COL22A1: variants seen among roughly 807,000 people sequenced by gnomAD.
COL22A1 encodes collagen alpha-1(XXII) chain.
Under a neutral mutation model 248.9 loss-of-function variants are expected in COL22A1, and 221 were observed. That is an observed-to-expected ratio of 0.89 (90% CI 0.80 to 0.99). The LOEUF (loss-of-function observed/expected upper bound fraction) is 0.99, where lower values mean the gene tolerates loss of function less well. Ranked by LOEUF, COL22A1 falls within the 50% of genes least tolerant of loss-of-function variation. The pLI is 0.00. For synonymous variants in COL22A1, 891 were observed against 793.4 expected (o/e 1.12, Z -2.07); for missense variants, 2,240 against 2,179.0 (o/e 1.03, Z -0.56).
intron 1 of COL22A1, among the ~76,000 whole-genome samples, chr8:138,891,898 G>C (rs906270520): frequency 6.6e-6 from 1 of 152,236 alleles, no homozygotes; most frequent in Non-Finnish European, 1.5e-5. Flanking sequence ...CCCTGGGAGG[G>C]AAGAGCATGG....
At chr8:138,794,427 C>T (rs1397319477) in intron 12 of COL22A1, among the ~76,000 whole-genome samples, 8 of 150,620 alleles carry the variant, frequency 5.3e-5, no homozygotes, top group Non-Finnish European at 7.4e-5. Context: ...TTGGTGGGAA[C>T]GCAGATGGTC....
chr8:138,758,880 A>C (rs1833233209), intron 18 of COL22A1, among the ~76,000 whole-genome samples: 1 of 152,210 alleles, frequency 6.6e-6, no homozygotes, highest in African/African-American at 2.4e-5. Flanking sequence ...ATCTCTAAAT[A>C]AGGTGGAAGG....
At chr8:138,910,974 C>T (rs574943529) in intron 1 of COL22A1, among the ~76,000 whole-genome samples, 2 of 152,296 alleles carry the variant, frequency 1.3e-5, no homozygotes, top group East Asian at 3.9e-4. Context: ...GAGAGGGATG[C>T]AGGAGGGGAC....
Position 138,828,749 on chromosome 8 carries a change from CA to C in COL22A1, c.846-1969del, listed in dbSNP as rs375318134. ...TAGGCGACAGAGCGAGACTCCATCT[CA>C]AAAAAAAAAAAAAGGTATTTTGATC... On this transcript the variant is annotated intron_variant, in intron 5 of 64. Transcript: ENST00000303045. Among the ~76,000 whole-genome samples, 712 of 131,152 alleles carry C rather than the reference CA, an allele frequency of 5.4e-3. 3 individuals are homozygous for C. Among genetic ancestry groups the C allele is most frequent in the Non-Finnish European group, 7.1e-3 (428 of 60,298 alleles). The allele number at this position is 131,152 out of a possible 152,430, so 86.0% of individuals were successfully genotyped here. A position where few individuals can be genotyped will look rare whatever the true frequency, so the allele number is the denominator to read the frequency against.
At chr8:138,702,607 A>G (rs1161260122) in intron 31 of COL22A1, among the ~76,000 whole-genome samples, 1 of 138,234 alleles carries the variant, frequency 7.2e-6, no homozygotes, top group Non-Finnish European at 1.6e-5. Flanking sequence ...AAGAAACATT[A>G]AAGTGGAAAA....
At chr8:138,612,162 G>A (rs1442301503) in intron 56 of COL22A1, among the ~76,000 whole-genome samples, 1 of 152,118 alleles carries the variant, frequency 6.6e-6, no homozygotes, top group Non-Finnish European at 1.5e-5. Context: ...GGGATTGGGT[G>A]GGGGTGAAAA....
chr8:138,821,719 A>G (rs1184181835), intron 6 of COL22A1, among the ~76,000 whole-genome samples: 2 of 152,192 alleles, frequency 1.3e-5, no homozygotes, highest in Admixed American at 6.5e-5. Context: ...TGGAAGGGCT[A>G]TGCGGGTAAG....
At chr8:138,846,092 G>A (rs759281970) in intron 3 of COL22A1, among the ~76,000 whole-genome samples, 2 of 152,222 alleles carry the variant, frequency 1.3e-5, no homozygotes, top group African/African-American at 2.4e-5. Flanking sequence ...CATGGAAGGG[G>A]TTATTTTGGA....
chr8:138,597,924 C>T (rs905388024), intron 61 of COL22A1, among the ~76,000 whole-genome samples: 2 of 152,148 alleles, frequency 1.3e-5, no homozygotes, highest in Non-Finnish European at 2.9e-5. Context: ...CACCTGAAAC[C>T]CAGGCTGACC....
chr8:138,596,856 C>T, intron 62 of COL22A1, 48 bp downstream of exon 62: 3 of 1,561,306 alleles, frequency 1.9e-6, no homozygotes, highest in Non-Finnish European at 2.6e-6. Context: ...GAGAGAACTG[C>T]TTCCTGGGCT....
chr8:138,700,902 A>G (rs557215484), intron 31 of COL22A1, among the ~76,000 whole-genome samples: 2 of 148,034 alleles, frequency 1.4e-5, no homozygotes, highest in Non-Finnish European at 3.0e-5. Context: ...GGAGAATGGC[A>G]TGAACCCAGG....
chr8:138,667,908 C>T (rs934097034), intron 41 of COL22A1, among the ~76,000 whole-genome samples: 1 of 151,862 alleles, frequency 6.6e-6, no homozygotes, highest in African/African-American at 2.4e-5. Context: ...GCCTCTAGGT[C>T]TGAGTACCAA....
chr8:138,639,531 T>G (rs1240116566), intron 47 of COL22A1, among the ~76,000 whole-genome samples: 1 of 152,164 alleles, frequency 6.6e-6, no homozygotes, highest in African/African-American at 2.4e-5. Context: ...CAGAAGAGGT[T>G]TATTAAAGAG....
chr8:138,690,102 T>C (rs1413940012), intron 36 of COL22A1, among the ~76,000 whole-genome samples: 2 of 152,246 alleles, frequency 1.3e-5, no homozygotes, highest in African/African-American at 4.8e-5. Context: ...CTTAGTACCA[T>C]GCCTGGCATG....
At chr8:138,816,467 T>C (rs998189190) in intron 7 of COL22A1, among the ~76,000 whole-genome samples, 2 of 152,202 alleles carry the variant, frequency 1.3e-5, no homozygotes, top group African/African-American at 4.8e-5. Context: ...CTTGGCTCCC[T>C]GGATCCCAGC....
chr8:138,732,092 G>A (rs1830753575), intron 23 of COL22A1, among the ~76,000 whole-genome samples: 1 of 152,148 alleles, frequency 6.6e-6, no homozygotes, highest in South Asian at 2.1e-4. Context: ...GCAAATACTT[G>A]AATGGCATTT....
chr8:138,649,525 AC>A, intron 46 of COL22A1, 139 bp downstream of exon 46: 2 of 1,424,676 alleles, frequency 1.4e-6, no homozygotes, highest in Non-Finnish European at 1.9e-6. Context: ...GTATCTCACA[AC>A]CCAGTACTCC....
chr8:138,702,266 T>G (rs1042385705), intron 31 of COL22A1, among the ~76,000 whole-genome samples: 1 of 152,192 alleles, frequency 6.6e-6, no homozygotes, highest in Non-Finnish European at 1.5e-5. Context: ...AACAAAAATT[T>G]GATATGACTA....
chr8:138,623,601 T>C (rs1938381913), intron 52 of COL22A1, 131 bp downstream of exon 52: 2 of 760,610 alleles, frequency 2.6e-6, no homozygotes, highest in Non-Finnish European at 2.2e-6. Context: ...TGCAGGAGTA[T>C]GTAAATGAAA....
Sources: allele counts gnomAD v4.1 joint callset (sites outside exome capture counted in the v4.1 genomes callset), GRCh38; gene constraint gnomAD v4.1.1; transcripts MANE v1.5; gene names NCBI Gene and HGNC (gene_info 2026-07-23, HGNC 2026-07-21).